The following POU6F2 variants were observed in gnomAD, a reference collection of about 807,000 sequenced individuals.
POU6F2 encodes the protein POU class 6 homeobox 2, also known as POU domain, class 6, transcription factor 2.
In POU6F2, 31 loss-of-function variants were observed where a neutral mutation model predicts 71.3. The ratio of observed to expected loss-of-function variants is 0.43; its 90% CI spans 0.33 to 0.59. POU6F2 has a LOEUF of 0.59. Ranked by LOEUF, POU6F2 falls within the 20% of genes least tolerant of loss-of-function variation. POU6F2 has a pLI of 0.04. For synonymous variants in POU6F2, 347 were observed against 355.7 expected, an observed-to-expected ratio of 0.98 and a Z score of 0.27; for missense variants, 783 against 856.8, an observed-to-expected ratio of 0.91 and a Z score of 1.07.
intron 2 of POU6F2, among the ~76,000 whole-genome samples, chr7:39,088,366 G>A (rs1396870594): frequency 5.9e-5 from 9 of 152,038 alleles, no homozygotes; most frequent in East Asian, 1.9e-4. Context: ...TCTAGTTTAC[G>A]TAACTGACTA....
intron 1 of POU6F2, among the ~76,000 whole-genome samples, chr7:39,079,048 C>T (rs1171584430): frequency 6.6e-6 from 1 of 152,110 alleles, no homozygotes; most frequent in Non-Finnish European, 1.5e-5. Flanking sequence ...AAAAGTAACT[C>T]CCAGTCAGTT....
Position 39,232,565 on chromosome 7 carries a change from C to T in POU6F2, c.598+24945C>T, listed in dbSNP as rs80271955. ...TGTGTAGCTCCCTCCAGCATATAGA[C>T]GGTATTCAAATACTTACTAAATTAA... is the stretch of plus-strand genomic sequence containing the variant. On this transcript the variant is annotated intron_variant, in intron 4 of 9. Transcript: ENST00000518318. 2.0e-4 allele frequency among the ~76,000 whole-genome samples: 30 copies of T among 152,232 alleles called. No homozygotes were observed. The South Asian group carries it at 4.8e-3, about 24-fold the overall frequency.
intron 4 of POU6F2, among the ~76,000 whole-genome samples, chr7:39,257,852 C>T (rs1784055462): frequency 6.6e-6 from 1 of 151,454 alleles, no homozygotes; most frequent in South Asian, 2.1e-4. Context: ...CATGGCACTG[C>T]CACACTTACT....
At chr7:39,023,613 T>A (rs546211677) in intron 1 of POU6F2, among the ~76,000 whole-genome samples, 1 of 152,224 alleles carries the variant, frequency 6.6e-6, no homozygotes, top group Admixed American at 6.6e-5. Context: ...TTTAGAGTGA[T>A]ACACAAAAGT....
intron 4 of POU6F2, among the ~76,000 whole-genome samples, chr7:39,277,012 C>A (rs925161367): frequency 6.6e-6 from 1 of 152,014 alleles, no homozygotes; most frequent in Non-Finnish European, 1.5e-5. Flanking sequence ...TGTAACTAAC[C>A]TGTACATTGT....
intron 4 of POU6F2, among the ~76,000 whole-genome samples, chr7:39,216,407 T>C (rs982588942): frequency 2.0e-5 from 3 of 152,164 alleles, no homozygotes; most frequent in African/African-American, 7.2e-5. Flanking sequence ...TATGGGCCAA[T>C]TGGAGACGGT....
intron 1 of POU6F2, among the ~76,000 whole-genome samples, chr7:39,047,783 G>A (rs1164989626): frequency 6.6e-6 from 1 of 151,822 alleles, no homozygotes; most frequent in African/African-American, 2.4e-5. Flanking sequence ...TTTGTCAACT[G>A]CCTTTTCTTT....
At chr7:39,315,020 C>G (rs1436724814) in intron 4 of POU6F2, among the ~76,000 whole-genome samples, 5 of 152,186 alleles carry the variant, frequency 3.3e-5, no homozygotes, top group Admixed American at 6.5e-5. Flanking sequence ...TGCACTGTTA[C>G]ACGTAACATT....
At chr7:39,106,589 A>G (rs117178646) in intron 2 of POU6F2, among the ~76,000 whole-genome samples, 141 of 152,358 alleles carry the variant, frequency 9.3e-4, no homozygotes, top group Non-Finnish European at 1.7e-3. Context: ...GCTATCATTT[A>G]TTAAATTAAA....
chr7:39,464,620 A>G lies in POU6F2; in HGVS notation c.2097A>G (p.Lys699=). The G allele has an allele frequency of 3.1e-6, 5 of 1,609,728 alleles. No individual in the cohort carries two copies. Among genetic ancestry groups the G allele is most frequent in the Non-Finnish European group, 4.2e-6 (5 of 1,178,136 alleles). The change falls in exon 10 of 10, where the codon AAA becomes AAG. Residue 699 remains lysine (K), a synonymous_variant. Coordinates refer to ENST00000518318, the MANE Select transcript of POU6F2 (RefSeq NM_001370959.1). This position sits in a 1 kb window ranked among gnomAD's most constrained non-coding sequence, Gnocchi z 4.1. ...QALKNTIKRL[K]QHEPATAVPL... ...TGAAGAACACAATTAAACGCTTAAA[A>G]CAGCACGAGCCGGCCACGGCAGTCC...
At chr7:39,286,571 T>C (rs1784653969) in intron 4 of POU6F2, among the ~76,000 whole-genome samples, 1 of 152,148 alleles carries the variant, frequency 6.6e-6, no homozygotes, top group Non-Finnish European at 1.5e-5. Context: ...ACATTCCTGG[T>C]GATGGGGAGT....
chr7:39,204,513 C>T (rs1287868754), intron 3 of POU6F2, among the ~76,000 whole-genome samples, 187 bp downstream of exon 3: 1 of 151,610 alleles, frequency 6.6e-6, no homozygotes, highest in East Asian at 1.9e-4. Flanking sequence ...TATGTGTTTG[C>T]AAAACTCTTC....
chr7:39,251,863 TC>T (rs1296193526), intron 4 of POU6F2, among the ~76,000 whole-genome samples: 3 of 152,114 alleles, frequency 2.0e-5, no homozygotes, highest in Admixed American at 6.5e-5. Flanking sequence ...ATTTCTTTCT[TC>T]CCTCCTTTGA....
In POU6F2 at chr7:39,008,227, C is replaced by T. The variant is rs1361037504; in HGVS notation, c.105+30169C>T. On this transcript the variant is annotated intron_variant, in intron 1 of 9. Coordinates refer to ENST00000518318, the MANE Select transcript of POU6F2 (RefSeq NM_001370959.1). ...TTTTAATGATTGCCATTCTAACTGGCGTGAGATGGTATCTCATTGTGGTTT... is the reference window on the plus strand; with the variant it reads ...TTTTAATGATTGCCATTCTAACTGGTGTGAGATGGTATCTCATTGTGGTTT... 2.9e-4 allele frequency among the ~76,000 whole-genome samples: 43 copies of T among 150,174 alleles called. No individual in the cohort carries two copies. The East Asian group carries it at 3.9e-3, about 14-fold the overall frequency.
chr7:39,048,585 C>T (rs557271182), intron 1 of POU6F2, among the ~76,000 whole-genome samples: 8 of 151,948 alleles, frequency 5.3e-5, no homozygotes, highest in South Asian at 4.2e-4. Flanking sequence ...TCCAGTCTAC[C>T]GTTGATGGGC....
intron 1 of POU6F2, among the ~76,000 whole-genome samples, chr7:39,032,687 C>T (rs951030223): frequency 2.1e-4 from 32 of 152,288 alleles, no homozygotes; most frequent in African/African-American, 7.0e-4. Context: ...GTTTGATCTG[C>T]GTATTGCAGG....
chr7:39,051,124 G>T (rs1790392533), intron 1 of POU6F2, among the ~76,000 whole-genome samples: 1 of 151,734 alleles, frequency 6.6e-6, no homozygotes, highest in African/African-American at 2.4e-5. Context: ...CTCTGCAATG[G>T]GCCTTAGACA....
intron 5 of POU6F2, among the ~76,000 whole-genome samples, chr7:39,355,190 G>A (rs895358686): frequency 1.9e-4 from 29 of 152,174 alleles, no homozygotes; most frequent in Non-Finnish European, 3.8e-4. Context: ...GGGACCATGT[G>A]CCCAGATTGG....
At chr7:39,150,980 G>GA (rs984296496) in intron 2 of POU6F2, among the ~76,000 whole-genome samples, 9 of 150,150 alleles carry the variant, frequency 6.0e-5, no homozygotes, top group Admixed American at 2.0e-4. Context: ...TCCTCATTCT[G>GA]AAAAAAAAAT....
Sources: allele counts gnomAD v4.1 joint callset (sites outside exome capture counted in the v4.1 genomes callset), GRCh38; gene constraint gnomAD v4.1.1; non-coding constraint Gnocchi (gnomAD v3.1); transcripts MANE v1.5; gene names NCBI Gene and HGNC (gene_info 2026-07-23, HGNC 2026-07-21).